PTGR2: variants seen among roughly 807,000 people sequenced by gnomAD.
The protein encoded by PTGR2 is prostaglandin reductase 2, also known as 15-oxoprostaglandin 13-reductase.
A neutral mutation model predicts 43.4 loss-of-function variants in PTGR2; 32 were observed. The ratio of observed to expected loss-of-function variants is 0.74; its 90% confidence interval spans 0.56 to 0.99. The LOEUF (loss-of-function observed/expected upper bound fraction) is 0.99, where lower values mean the gene tolerates loss of function less well. PTGR2 is among the 50% of genes least tolerant of loss of function. The probability of loss-of-function intolerance (pLI) is 0.00; values close to 1 mark genes in which losing one functional copy is unlikely to be tolerated. For synonymous variants in PTGR2, 106 were observed against 139.2 expected (o/e 0.76, Z 1.68); for missense variants, 373 against 420.0 (o/e 0.89, Z 0.98).
chr14:73,852,032 G>A (rs554360153), intron 1 of PTGR2, 89 bp downstream of exon 1: 2 of 152,354 alleles, frequency 1.3e-5, no homozygotes, highest in Admixed American at 1.3e-4. Context: ...CAACCAGGGT[G>A]ACTTCTAGGC....
chr14:73,872,173 C>G (rs1319681465), intron 3 of PTGR2, among the ~76,000 whole-genome samples: 1 of 152,128 alleles, frequency 6.6e-6, no homozygotes, highest in African/African-American at 2.4e-5. Flanking sequence ...TAGCCTTCCT[C>G]TTGAGATGGG....
chr14:73,856,966 C>T (rs932874165), intron 1 of PTGR2, among the ~76,000 whole-genome samples: 2 of 152,176 alleles, frequency 1.3e-5, no homozygotes, highest in Non-Finnish European at 2.9e-5. Flanking sequence ...TTCATTAGCT[C>T]AAATTCTAAA....
intron 3 of PTGR2, among the ~76,000 whole-genome samples, chr14:73,862,269 G>A (rs1029419894): frequency 1.3e-4 from 19 of 151,404 alleles, no homozygotes; most frequent in African/African-American, 4.4e-4. Flanking sequence ...GTGCAGTGGC[G>A]CGATCTCGGC....
Position 73,879,200 on chromosome 14 carries a change from TA to T in PTGR2, c.630del (p.Asp211ThrfsTer30). 1 of 1,614,068 alleles carries T rather than the reference TA, an allele frequency of 6.2e-7. No homozygotes were observed. The highest frequency in any genetic ancestry group is 8.5e-7 in the Non-Finnish European group (1 of 1,180,006). Reference sequence around the variant, plus strand: ...TGGGCTTTGATGCTGCAATTAATTATAAAAAAGACAATGTGGCAGAACAGCT... The same window carrying T: ...TGGGCTTTGATGCTGCAATTAATTATAAAAAGACAATGTGGCAGAACAGCT... ...ELGFDAAINY[K>X]KDNVAEQLRE... On this transcript the variant is annotated frameshift_variant, in exon 6 of 10. Coordinates refer to ENST00000555661, the MANE Select transcript of PTGR2 (RefSeq NM_001146154.2).
intron 7 of PTGR2, 82 bp downstream of exon 7, chr14:73,880,258 A>T: frequency 6.6e-7 from 1 of 1,522,514 alleles, no homozygotes; most frequent in South Asian, 1.1e-5. Context: ...ATTGTTCTTC[A>T]TAGACACTTT....
At chr14:73,880,285 A>G in intron 7 of PTGR2, 109 bp downstream of exon 7, 1 of 1,392,028 alleles carries the variant, frequency 7.2e-7, no homozygotes, top group Non-Finnish European at 1.0e-6. Context: ...ATTAAATAAA[A>G]CTTTAGGTCG....
Position 73,876,996 on chromosome 14 carries a change from A to C in PTGR2, c.349-2A>C, listed in dbSNP as rs751774946. The C allele has an allele frequency of 1.2e-5, 19 of 1,608,698 alleles. No homozygotes were observed. The highest frequency in any genetic ancestry group is 1.2e-5 in the Non-Finnish European group (14 of 1,177,370). ...TTTTAAAGGGTATATATTTTATTTTAGGTAGACCCACAACTTGTGGATGGA... is the reference window on the plus strand; with the variant it reads ...TTTTAAAGGGTATATATTTTATTTTCGGTAGACCCACAACTTGTGGATGGA... On this transcript the variant is annotated splice_acceptor_variant, in intron 4 of 9. Coordinates refer to ENST00000555661, the MANE Select transcript of PTGR2 (RefSeq NM_001146154.2). LOFTEE classifies it high-confidence loss of function.
rs1180437050 is a variant in PTGR2 at position 73,879,282 on chromosome 14, A to G, written c.706A>G (p.Ile236Val). ...DVYFDNVGGN[I>V]SDTVISQMNE... ...TTATTTTGACAATGTTGGTGGTAAC[A>G]TCAGTGATACAGTGATAAGTCAGGT... Residue 236 changes from isoleucine (I) to valine (V), a missense_variant, in exon 6 of 10, where the codon ATC (isoleucine) becomes GTC (valine). Coordinates refer to ENST00000555661, the MANE Select transcript of PTGR2 (RefSeq NM_001146154.2). The G allele has an allele frequency of 6.2e-7, 1 of 1,614,112 alleles. No homozygotes were observed.
At position 73,882,431 on chromosome 14, in the gene PTGR2, C is replaced by T. The variant is rs200422786; in HGVS notation, c.972C>T (p.Asn324=). 6.4e-6 allele frequency: 10 copies of T among 1,569,982 alleles called. No homozygotes were observed. The highest frequency in any genetic ancestry group is 8.8e-6 in the Non-Finnish European group (10 of 1,140,812). The change falls in exon 9 of 10, where the codon AAC becomes AAT. Residue 324 remains asparagine, a synonymous_variant. Coordinates refer to ENST00000555661, the MANE Select transcript of PTGR2 (RefSeq NM_001146154.2). ...IKETVINGLE[N]MGAAFQSMMT... is the part of the protein sequence containing the mutation. ...AGACGGTAATAAATGGGTTGGAAAACATGGGAGGTAAGATGAATGTAGACT... is the reference window on the plus strand; with the variant it reads ...AGACGGTAATAAATGGGTTGGAAAATATGGGAGGTAAGATGAATGTAGACT...
chr14:73,873,361 A>G (rs1445625207), intron 3 of PTGR2, among the ~76,000 whole-genome samples: 1 of 152,182 alleles, frequency 6.6e-6, no homozygotes, highest in Non-Finnish European at 1.5e-5. Flanking sequence ...TGGCTATATC[A>G]TGCTAACATG....
Position 73,881,208 on chromosome 14 carries a change from A to G in PTGR2, c.855A>G (p.Glu285=). 6.3e-7 allele frequency: 1 copy of G among 1,593,572 alleles called. No individual in the cohort carries two copies. The highest frequency in any genetic ancestry group is 8.6e-7 in the Non-Finnish European group (1 of 1,161,548). Residue 285 remains glutamate (E), a synonymous_variant, in exon 8 of 10, where the codon GAA becomes GAG. Transcript: ENST00000555661. The stretch of plus-strand genomic sequence containing the variant: ...ATCCTTTTCTTCCTCACTGCAGGGA[A>G]AGATTTCTGGTATTAAATTATAAAG... ...AIQKERNITR[E]RFLVLNYKDK...
intron 2 of PTGR2, among the ~76,000 whole-genome samples, chr14:73,859,662 C>T (rs1168201285): frequency 1.3e-5 from 2 of 151,392 alleles, no homozygotes; most frequent in East Asian, 1.9e-4. Context: ...TTTTAATTTT[C>T]CACTTTTTCA....
rs201298256 is a variant in PTGR2 at position 73,880,599 on chromosome 14, A to C, written c.851+423A>C. Among the ~76,000 whole-genome samples, 694 of 149,520 alleles carry C rather than the reference A, an allele frequency of 4.6e-3. 7 individuals carry two copies. Among genetic ancestry groups the C allele is most frequent in the African/African-American group, 0.016 (642 of 40,888 alleles). ...CATCTCAAAAAAACAAAAAAAAAAA[A>C]ACAAAAAAAAACCTTTAAAATACAC... On this transcript the variant is annotated intron_variant, in intron 7 of 9. Coordinates refer to ENST00000555661, the MANE Select transcript of PTGR2 (RefSeq NM_001146154.2).
At chr14:73,858,792 A>C (rs2054421662) in intron 1 of PTGR2, 24 bp from the exon 2 acceptor site, 1 of 1,223,828 alleles carries the variant, frequency 8.2e-7, no homozygotes, top group African/African-American at 1.5e-5. Context: ...AAATCTTGTG[A>C]TTTAAAAATT....
intron 3 of PTGR2, among the ~76,000 whole-genome samples, chr14:73,862,576 A>G (rs913534513): frequency 6.6e-6 from 1 of 152,154 alleles, no homozygotes; most frequent in African/African-American, 2.4e-5. Flanking sequence ...GTGCCCGTAC[A>G]AAGGATCGCT....
chr14:73,876,919 TC>T (rs1331871366), intron 4 of PTGR2, 78 bp from the exon 5 acceptor site: 49 of 1,063,818 alleles, frequency 4.6e-5, no homozygotes, highest in African/African-American at 4.3e-4. Flanking sequence ...CGCAATTCAG[TC>T]CATAACACGT....
rs777300621 is a variant in PTGR2 at position 73,874,190 on chromosome 14, T to C, written c.324T>C (p.Ile108=). Residue 108 remains isoleucine (I), a synonymous_variant, in exon 4 of 10, where the codon ATT becomes ATC. Transcript: ENST00000555661. ...SFYWPWQTKV[I]LDGNSLEKVD... is the part of the protein sequence containing the mutation. Reference sequence around the variant, plus strand: ...ATTGGCCCTGGCAAACCAAGGTTATTCTGGATGGAAATAGCCTTGAAAAGG... The same window carrying C: ...ATTGGCCCTGGCAAACCAAGGTTATCCTGGATGGAAATAGCCTTGAAAAGG... The C allele has an allele frequency of 2.2e-5, 36 of 1,613,452 alleles. No individual in the cohort carries two copies. Among genetic ancestry groups the C allele is most frequent in the Non-Finnish European group, 2.6e-5 (31 of 1,179,818 alleles).
intron 1 of PTGR2, among the ~76,000 whole-genome samples, chr14:73,852,977 C>G (rs934598120): frequency 1.3e-5 from 2 of 152,056 alleles, no homozygotes; most frequent in Non-Finnish European, 2.9e-5. Context: ...AGGCGCCCAC[C>G]ACCACGCTTA....
At chr14:73,870,271 CG>C (rs1179134531) in intron 3 of PTGR2, among the ~76,000 whole-genome samples, 1 of 151,578 alleles carries the variant, frequency 6.6e-6, no homozygotes, top group Non-Finnish European at 1.5e-5. Context: ...CTCTGCCTCC[CG>C]GGTTCAAGTG....
Sources: allele counts gnomAD v4.1 joint callset (sites outside exome capture counted in the v4.1 genomes callset), GRCh38; gene constraint gnomAD v4.1.1; transcripts MANE v1.5; gene names NCBI Gene and HGNC (gene_info 2026-07-23, HGNC 2026-07-21).